Variants in DNHD1 observed in about 807,000 individuals in gnomAD.
DNHD1 encodes the protein dynein heavy chain domain-containing protein 1.
In DNHD1, 383 loss-of-function variants were observed where a neutral mutation model predicts 458.1. The observed-to-expected ratio is 0.84, with a 90% CI of 0.77 to 0.91. The LOEUF is 0.91. Ranked by LOEUF, DNHD1 falls within the 40% of genes least tolerant of loss-of-function variation. DNHD1 has a pLI of 0.00. For missense variants in DNHD1, 5,336 were observed against 5,866.1 expected, an observed-to-expected ratio of 0.91 and a Z score of 2.95; for synonymous variants, 2,203 against 2,376.9, an observed-to-expected ratio of 0.93 and a Z score of 2.13.
At position 6,559,170 on chromosome 11, in the gene DNHD1, T is replaced by C. The variant is rs1272289294; in HGVS notation, c.9417-11T>C. The C allele has an allele frequency of 1.9e-6, 3 of 1,551,678 alleles. No individual in the cohort carries two copies. The East Asian group carries it at 7.3e-5, about 38-fold the overall frequency. ...CCTTTGGGTTTCCTCACCAGCACAT[T>C]GTATCTCCAGGGTCCAGAATGCCTT... On this transcript the variant is annotated splice_polypyrimidine_tract_variant and intron_variant, in intron 27 of 42. Coordinates refer to ENST00000254579, the MANE Select transcript of DNHD1 (RefSeq NM_144666.3).
At chr11:6,554,920 G>A (rs187404887) in intron 24 of DNHD1, among the ~76,000 whole-genome samples, 22 of 152,206 alleles carry the variant, frequency 1.4e-4, no homozygotes, top group African/African-American at 5.3e-4. Context: ...AGTAAAATGA[G>A]AACCGCATAT....
Position 6,570,899 on chromosome 11 carries a change from C to A in DNHD1, c.13387C>A (p.Gln4463Lys), listed in dbSNP as rs868239427. Residue 4463 changes from glutamine (Q) to lysine (K), a missense_variant, in exon 42 of 43, where the codon CAA becomes AAA. By Grantham distance (53) the Gln-to-Lys change is moderately conservative (BLOSUM62 1). Transcript: ENST00000254579. ...GGATCTGCTGACCCACGTGATTCGC[C>A]AAGACGAGTCCGACGCCCCGTGGTC... ...LQDLLTHVIRQDESDAPWSVL... is the reference protein window; with the variant it reads ...LQDLLTHVIRKDESDAPWSVL... 11 of 1,613,698 alleles carry A rather than the reference C, an allele frequency of 6.8e-6. No homozygotes were observed. Among genetic ancestry groups the A allele is most frequent in the Non-Finnish European group, 9.3e-6 (11 of 1,179,598 alleles).
chr11:6,552,245 C>T (rs929799486), intron 24 of DNHD1, among the ~76,000 whole-genome samples: 1 of 134,370 alleles, frequency 7.4e-6, no homozygotes, highest in Admixed American at 7.3e-5. Flanking sequence ...AGGGTTAGGC[C>T]AGGCATGGTG....
In DNHD1 at chr11:6,519,631, G is replaced by A; in HGVS notation, c.1424G>A (p.Cys475Tyr). The A allele has an allele frequency of 6.2e-7, 1 of 1,614,168 alleles. No homozygotes were observed. Among genetic ancestry groups the A allele is most frequent in the Non-Finnish European group, 8.5e-7 (1 of 1,180,030 alleles). ...GAGGACACATACCACATGCAACAGT[G>A]CCTACAGGAGCGAGTACAAAACTGT... ...VHEDTYHMQQCLQERVQNCDR... is the reference protein window; with the variant it reads ...VHEDTYHMQQYLQERVQNCDR... The change falls in exon 8 of 43, where the codon TGC (cysteine) becomes TAC (tyrosine). Residue 475 changes from cysteine to tyrosine, a missense_variant. Coordinates refer to ENST00000254579, the MANE Select transcript of DNHD1 (RefSeq NM_144666.3).
chr11:6,518,294 T>C (rs548092377), intron 7 of DNHD1, among the ~76,000 whole-genome samples: 2 of 152,306 alleles, frequency 1.3e-5, no homozygotes, highest in South Asian at 4.1e-4. Context: ...ACTTCTGGAC[T>C]TAAGTGATCC....
chr11:6,545,408 T>C lies in DNHD1; in HGVS notation c.4469T>C (p.Leu1490Ser), dbSNP rs1853189129. 1.3e-6 allele frequency: 2 copies of C among 1,551,700 alleles called. No individual in the cohort carries two copies. Among genetic ancestry groups the C allele is most frequent in the African/African-American group, 2.7e-5 (2 of 73,076 alleles). Residue 1490 changes from leucine (L) to serine (S), a missense_variant, in exon 21 of 43, where the codon TTG becomes TCG. Leu to Ser is a moderately radical substitution (Grantham distance 145, BLOSUM62 -2). Coordinates refer to ENST00000254579, the MANE Select transcript of DNHD1 (RefSeq NM_144666.3). This position sits in a 1 kb window ranked among gnomAD's most constrained non-coding sequence, Gnocchi z 4.9. ...AAGCAACTGCCCAAGCAAAACAAGT[T>C]GTACCTGCAACTGTATGTCCAGCAC... ...ALKQLPKQNK[L>S]YLQLYVQHWI... is the part of the protein sequence containing the mutation.
intron 7 of DNHD1, among the ~76,000 whole-genome samples, chr11:6,518,929 A>C (rs1852546420): frequency 6.6e-6 from 1 of 152,164 alleles, no homozygotes; most frequent in Admixed American, 6.5e-5. Flanking sequence ...CATCAAAAGG[A>C]ACAGGAAAGC....
At position 6,548,066 on chromosome 11, in the gene DNHD1, G is replaced by T; in HGVS notation, c.6905+26G>T. The T allele has an allele frequency of 1.9e-6, 3 of 1,551,630 alleles. No individual in the cohort carries two copies. The highest frequency in any genetic ancestry group is 2.6e-6 in the Non-Finnish European group (3 of 1,146,938). Reference sequence around the variant, plus strand: ...GTACCTACCAGGATGGGGGATGGGAGATGCAGAGGGCTGAGATGGACTGGC... The same window carrying T: ...GTACCTACCAGGATGGGGGATGGGATATGCAGAGGGCTGAGATGGACTGGC... On this transcript the variant is annotated intron_variant, in intron 22 of 42. Transcript: ENST00000254579. The surrounding 1 kb of genome is among the most constrained non-coding windows in gnomAD (Gnocchi z 4.4).
chr11:6,535,642 T>G (rs1276721909), intron 14 of DNHD1, among the ~76,000 whole-genome samples: 1 of 152,198 alleles, frequency 6.6e-6, no homozygotes, highest in Non-Finnish European at 1.5e-5. Flanking sequence ...TTCTAAGCTA[T>G]TGAAGTAAAG....
chr11:6,497,557 A>G lies in DNHD1; in HGVS notation c.-528-28A>G, dbSNP rs182438564. The G allele has an allele frequency of 2.4e-3, 369 of 152,796 alleles. 10 individuals carry two copies. Among genetic ancestry groups the G allele is most frequent in the Admixed American group, 0.022 (336 of 15,314 alleles). The allele number at this position is 152,796 out of a possible 1,614,324, so 9.5% of individuals were successfully genotyped here. ...TGGGACTGGGGCTCTGCTGCCTTCG[A>G]GTGACGACCTGTTAACCCGTTTTTC... On this transcript the variant is annotated intron_variant, in intron 1 of 42. Coordinates refer to ENST00000254579, the MANE Select transcript of DNHD1 (RefSeq NM_144666.3).
chr11:6,505,794 C>A lies in DNHD1; in HGVS notation c.920+2868C>A, dbSNP rs1852219385. Among the ~76,000 whole-genome samples, 1 of 152,158 alleles carries A rather than the reference C, an allele frequency of 6.6e-6. No homozygotes were observed. Among genetic ancestry groups the A allele is most frequent in the Non-Finnish European group, 1.5e-5 (1 of 68,028 alleles). On this transcript the variant is annotated intron_variant, in intron 4 of 42. Coordinates refer to ENST00000254579, the MANE Select transcript of DNHD1 (RefSeq NM_144666.3). The surrounding 1 kb of genome is among the most constrained non-coding windows in gnomAD (Gnocchi z 4.4). Reference sequence around the variant, plus strand: ...AGTAATCCATGACACACAGTGGCATCACAATTAATTAAATTATCACTTGTG... The same window carrying A: ...AGTAATCCATGACACACAGTGGCATAACAATTAATTAAATTATCACTTGTG...
intron 6 of DNHD1, 151 bp from the exon 7 acceptor site, chr11:6,511,122 A>G: frequency 1.9e-6 from 2 of 1,058,508 alleles, no homozygotes; most frequent in East Asian, 4.9e-5. Context: ...AGAACTCTCG[A>G]GAGGGAGCTG....
At chr11:6,540,250 C>A (rs919637751) in intron 18 of DNHD1, among the ~76,000 whole-genome samples, 167 bp downstream of exon 18, 1 of 152,170 alleles carries the variant, frequency 6.6e-6, no homozygotes, top group Non-Finnish European at 1.5e-5. Context: ...ATGTAGCCCC[C>A]CTACTGTCTT....
At position 6,547,078 on chromosome 11, in the gene DNHD1, G is replaced by A; in HGVS notation, c.6139G>A (p.Gly2047Ser). ...CCAGGAGTTCCTGGGATGGCTAGAG[G>A]GCTCCTGCTGGCATCATGGCATCTT... is the stretch of plus-strand genomic sequence containing the variant. ...SPQEFLGWLE[G>S]SCWHHGIFPK... Residue 2047 changes from glycine (G) to serine (S), a missense_variant, in exon 21 of 43, where the codon GGC (glycine) becomes AGC (serine). Physicochemically the swap from Gly to Ser is moderately conservative, Grantham distance 56. Transcript: ENST00000254579. The A allele has an allele frequency of 6.4e-7, 1 of 1,551,756 alleles. No individual in the cohort carries two copies. Among genetic ancestry groups the A allele is most frequent in the Non-Finnish European group, 8.7e-7 (1 of 1,147,006 alleles).
At position 6,505,019 on chromosome 11, in the gene DNHD1, T is replaced by C. The variant is rs1008861841; in HGVS notation, c.920+2093T>C. Among the ~76,000 whole-genome samples, 1 of 151,758 alleles carries C rather than the reference T, an allele frequency of 6.6e-6. No homozygotes were observed. Among genetic ancestry groups the C allele is most frequent in the Non-Finnish European group, 1.5e-5 (1 of 67,926 alleles). ...CTAGTTTTTAAATTTTTTGTAGATA[T>C]GGGATCTCACTTTGTTGCTCAAGCT... On this transcript the variant is annotated intron_variant, in intron 4 of 42. Coordinates refer to ENST00000254579, the MANE Select transcript of DNHD1 (RefSeq NM_144666.3). This position sits in a 1 kb window ranked among gnomAD's most constrained non-coding sequence, Gnocchi z 4.4.
In DNHD1 at chr11:6,549,878, A is replaced by G. The variant is rs576253417; in HGVS notation, c.7387+945A>G. Reference sequence around the variant, plus strand: ...AAAAATCTTGATAAAAATTTGGGATATTGAAGTGTAAAGTTTCTAAAGTGG... The same window carrying G: ...AAAAATCTTGATAAAAATTTGGGATGTTGAAGTGTAAAGTTTCTAAAGTGG... On this transcript the variant is annotated intron_variant, in intron 24 of 42. Transcript: ENST00000254579. Among the ~76,000 whole-genome samples the G allele has an allele frequency of 5.9e-5, 9 of 152,344 alleles. No homozygotes were observed. The South Asian group carries it at 1.9e-3, about 32-fold the overall frequency.
In DNHD1 at chr11:6,570,090, A is replaced by G. The variant is rs779498627; in HGVS notation, c.12945A>G (p.Gln4315=). The change falls in exon 40 of 43, where the codon CAA becomes CAG. Residue 4315 remains glutamine, a synonymous_variant. Transcript: ENST00000254579. The stretch of plus-strand genomic sequence containing the variant: ...TTAGCAATCCCCGTGCTGCCATGCA[A>G]GAGCTGGCTGGTGAGACCCTTCCTC... ...ASLSNPRAAM[Q]ELAASVFYGG... is the part of the protein sequence containing the mutation. 18 of 1,613,464 alleles carry G rather than the reference A, an allele frequency of 1.1e-5. No homozygotes were observed. The South Asian group carries it at 2.0e-4, about 18-fold the overall frequency.
chr11:6,564,101 C>G lies in DNHD1; in HGVS notation c.10261C>G (p.Arg3421Gly). ...PMKAALLTPM[R>G]AWTTQLQKLK... ...GAAGGCTGCACTGCTCACGCCTATG[C>G]GTGCCTGGACTACACAGCTCCAGGT... The change falls in exon 31 of 43, where the codon CGT becomes GGT. Residue 3421 changes from arginine to glycine, a missense_variant. By Grantham distance (125) the Arg-to-Gly change is moderately radical. This residue lies in a region of DNHD1 where 3,932 missense variants were observed against 4,365.6 expected (regional missense o/e 0.90). Transcript: ENST00000254579. 6.4e-7 allele frequency: 1 copy of G among 1,551,104 alleles called. No homozygotes were observed. Among genetic ancestry groups the G allele is most frequent in the Non-Finnish European group, 8.7e-7 (1 of 1,146,682 alleles).
chr11:6,562,855 A>G (rs1853613729), intron 28 of DNHD1, 127 bp from the exon 29 acceptor site: 1 of 1,079,556 alleles, frequency 9.3e-7, no homozygotes, highest in Admixed American at 2.8e-5. Context: ...TCTGTGGCCT[A>G]CTTGGAGTTC....
Sources: allele counts gnomAD v4.1 joint callset (sites outside exome capture counted in the v4.1 genomes callset), GRCh38; gene constraint gnomAD v4.1.1; regional missense constraint gnomAD v4.1.1; non-coding constraint Gnocchi (gnomAD v3.1); transcripts MANE v1.5; gene names NCBI Gene and HGNC (gene_info 2026-07-23, HGNC 2026-07-21).